GRXCR1: variants seen among roughly 807,000 people sequenced by gnomAD.
GRXCR1 encodes glutaredoxin and cysteine rich domain containing 1.
Under a neutral mutation model 27.3 loss-of-function variants are expected in GRXCR1, and 27 were observed. The ratio of observed to expected loss-of-function variants is 0.99; its 90% CI spans 0.73 to 1.37. The LOEUF is 1.37. GRXCR1 is among the 40% of genes most tolerant of loss of function. GRXCR1 has a pLI of 0.00. For missense variants in GRXCR1, 379 were observed against 354.4 expected (o/e 1.07, Z -0.56); for synonymous variants, 122 against 131.1 (o/e 0.93, Z 0.47).
chr4:42,942,978 G>C (rs1404818348), intron 1 of GRXCR1, among the ~76,000 whole-genome samples: 4 of 152,042 alleles, frequency 2.6e-5, no homozygotes, highest in Non-Finnish European at 5.9e-5. Context: ...GGAGAGAAGG[G>C]ACGATGTTTT....
At chr4:43,017,092 C>T (rs977888182) in intron 2 of GRXCR1, among the ~76,000 whole-genome samples, 1 of 152,116 alleles carries the variant, frequency 6.6e-6, no homozygotes, top group Non-Finnish European at 1.5e-5. Flanking sequence ...TGCAATTATT[C>T]TAAATAACTG....
At chr4:43,013,322 C>A (rs1486296397) in intron 2 of GRXCR1, among the ~76,000 whole-genome samples, 1 of 152,224 alleles carries the variant, frequency 6.6e-6, no homozygotes, top group Admixed American at 6.5e-5. Context: ...AAATCATGTC[C>A]CTTCTTAGCA....
chr4:43,014,162 C>A (rs776056010), intron 2 of GRXCR1, among the ~76,000 whole-genome samples: 8 of 151,950 alleles, frequency 5.3e-5, no homozygotes, highest in Non-Finnish European at 7.4e-5. Flanking sequence ...CCACAGGAGC[C>A]TTTACTGCAT....
At chr4:42,957,984 T>C (rs1748045880) in intron 1 of GRXCR1, among the ~76,000 whole-genome samples, 3 of 151,982 alleles carry the variant, frequency 2.0e-5, no homozygotes, top group African/African-American at 7.2e-5. Flanking sequence ...TATAGATGTC[T>C]GTCAATATGT....
intron 1 of GRXCR1, among the ~76,000 whole-genome samples, chr4:42,898,460 T>C (rs1031709310): frequency 1.3e-5 from 2 of 152,032 alleles, no homozygotes; most frequent in Non-Finnish European, 2.9e-5. Context: ...TGGGTAGTGT[T>C]AACACACCTT....
intron 1 of GRXCR1, among the ~76,000 whole-genome samples, chr4:42,947,875 AGTACATGTAGT>A (rs1747785294): frequency 2.0e-5 from 3 of 152,208 alleles, no homozygotes; most frequent in Admixed American, 1.3e-4. Flanking sequence ...CAAATGGTAT[AGTACATGTAGT>A]GAAAAAAGAT....
chr4:42,943,453 T>C (rs892308460), intron 1 of GRXCR1, among the ~76,000 whole-genome samples: 39 of 152,026 alleles, frequency 2.6e-4, no homozygotes, highest in Non-Finnish European at 5.0e-4. Flanking sequence ...TAGAAGTACT[T>C]GCTAACGAAT....
At chr4:42,976,959 T>C (rs1432785979) in intron 2 of GRXCR1, among the ~76,000 whole-genome samples, 3 of 152,016 alleles carry the variant, frequency 2.0e-5, no homozygotes, top group African/African-American at 7.2e-5. Flanking sequence ...CCAATATCTC[T>C]ACAATTATCC....
Position 42,968,251 on chromosome 4 carries a change from C to T in GRXCR1, c.627+5117C>T, listed in dbSNP as rs111255297. ...CAGCTTGGGTAGCCATAGAGCTCATCATCTATTTTCTACATCTCTGAGATC... is the reference window on the plus strand; with the variant it reads ...CAGCTTGGGTAGCCATAGAGCTCATTATCTATTTTCTACATCTCTGAGATC... On this transcript the variant is annotated intron_variant, in intron 2 of 3. Transcript: ENST00000399770. Among the ~76,000 whole-genome samples the T allele has an allele frequency of 3.6e-3, 544 of 152,228 alleles. 5 individuals are homozygous for T. The highest frequency in any genetic ancestry group is 0.011 in the African/African-American group (455 of 41,546).
intron 2 of GRXCR1, among the ~76,000 whole-genome samples, chr4:42,967,995 T>C (rs1233858856): frequency 1.3e-5 from 2 of 152,160 alleles, no homozygotes; most frequent in East Asian, 3.9e-4. Context: ...AGATAGTTAT[T>C]TTGCTTGCCT....
intron 2 of GRXCR1, among the ~76,000 whole-genome samples, chr4:42,976,359 T>C (rs1180196164): frequency 6.6e-6 from 1 of 152,084 alleles, no homozygotes; most frequent in Non-Finnish European, 1.5e-5. Flanking sequence ...AATGGTTCCA[T>C]GGCATTTATC....
intron 2 of GRXCR1, among the ~76,000 whole-genome samples, chr4:42,980,997 T>C (rs1014854349): frequency 1.3e-5 from 2 of 151,838 alleles, no homozygotes; most frequent in Non-Finnish European, 1.5e-5. Flanking sequence ...TGTATCTTTT[T>C]ATTGGAGAAT....
chr4:42,930,214 T>C (rs1747271238), intron 1 of GRXCR1, among the ~76,000 whole-genome samples: 1 of 151,984 alleles, frequency 6.6e-6, no homozygotes, highest in Admixed American at 6.6e-5. Flanking sequence ...GGGGAAGGGA[T>C]CCCAGCACAG....
chr4:43,025,598 C>G (rs1322825784), intron 3 of GRXCR1, among the ~76,000 whole-genome samples: 2 of 152,226 alleles, frequency 1.3e-5, no homozygotes, highest in African/African-American at 4.8e-5. Flanking sequence ...ATTCAGTACT[C>G]TGTGTGCTAT....
intron 2 of GRXCR1, among the ~76,000 whole-genome samples, chr4:42,993,535 T>C (rs919311778): frequency 6.6e-6 from 1 of 152,158 alleles, no homozygotes; most frequent in African/African-American, 2.4e-5. Context: ...TTGAACATTA[T>C]AGCTTAGCCT....
chr4:42,912,404 A>G (rs1746742949), intron 1 of GRXCR1, among the ~76,000 whole-genome samples: 1 of 152,210 alleles, frequency 6.6e-6, no homozygotes, highest in South Asian at 2.1e-4. Flanking sequence ...CTTTCAATAC[A>G]TTTGGAAATG....
chr4:42,928,129 A>C (rs1394590246), intron 1 of GRXCR1, among the ~76,000 whole-genome samples: 3 of 151,896 alleles, frequency 2.0e-5, no homozygotes, highest in African/African-American at 7.2e-5. Context: ...ATGGGTAGAG[A>C]GTTACAGGCA....
chr4:42,979,379 T>G (rs1359228922), intron 2 of GRXCR1, among the ~76,000 whole-genome samples: 1 of 151,956 alleles, frequency 6.6e-6, no homozygotes, highest in Non-Finnish European at 1.5e-5. Flanking sequence ...TTGTTGAGAG[T>G]TTTTTATTAT....
rs1363644690 is a variant in GRXCR1, at chr4:42,892,954, T to C, written c.-313T>C. Among the ~76,000 whole-genome samples, 1 of 152,124 alleles carries C rather than the reference T, an allele frequency of 6.6e-6. No individual in the cohort carries two copies. The highest frequency in any genetic ancestry group is 2.1e-4 in the South Asian group (1 of 4,828). On this transcript the variant is annotated 5_prime_UTR_variant, in exon 1 of 4. Transcript: ENST00000399770. ...CTTTCATTTTCTTGCCCCATACATA[T>C]TTTCAGATTCGCTGCATGCCACTTT...
Sources: allele counts gnomAD v4.1 joint callset (sites outside exome capture counted in the v4.1 genomes callset), GRCh38; gene constraint gnomAD v4.1.1; transcripts MANE v1.5; gene names NCBI Gene and HGNC (gene_info 2026-07-23, HGNC 2026-07-21).